Variants in CACNA2D3 observed in about 807,000 individuals in gnomAD.
The protein encoded by CACNA2D3 is voltage-dependent calcium channel subunit alpha-2/delta-3.
Under a neutral mutation model 160.6 loss-of-function variants are expected in CACNA2D3, and 60 were observed. The observed-to-expected ratio is 0.37, with a 90% CI of 0.30 to 0.46. CACNA2D3 has a LOEUF of 0.46. CACNA2D3 is among the 20% of genes least tolerant of loss of function. The probability of loss-of-function intolerance (pLI) is 1.00; values close to 1 mark genes in which losing one functional copy is unlikely to be tolerated. For missense variants in CACNA2D3, 1,205 were observed against 1,365.0 expected (o/e 0.88, Z 1.85); for synonymous variants, 558 against 492.9 (o/e 1.13, Z -1.75).
chr3:54,901,002 A>T (rs1010434172), intron 27 of CACNA2D3, among the ~76,000 whole-genome samples: 3 of 152,160 alleles, frequency 2.0e-5, no homozygotes, highest in African/African-American at 7.2e-5. Flanking sequence ...AAGCAGACCT[A>T]TTCTTAATCA....
chr3:55,020,331 G>A (rs140289808), intron 35 of CACNA2D3, among the ~76,000 whole-genome samples: 201 of 148,554 alleles, frequency 1.4e-3, no homozygotes, highest in African/African-American at 4.6e-3. Flanking sequence ...TGTACATATC[G>A]TATGTATGTA....
In CACNA2D3 at chr3:54,453,177, C is replaced by T. The variant is rs138573178; in HGVS notation, c.382-50315C>T. Among the ~76,000 whole-genome samples the T allele has an allele frequency of 2.0e-5, 3 of 152,080 alleles. No individual in the cohort carries two copies. In the East Asian group the frequency reaches 5.8e-4, roughly 29 times the overall value. ...CAGCTAATTTTTTGTATTTTTTGTA[C>T]AGATGAGGTCTTTCTGTGTTGTCCA... On this transcript the variant is annotated intron_variant, in intron 4 of 37. Coordinates refer to ENST00000474759, the MANE Select transcript of CACNA2D3 (RefSeq NM_018398.3).
At chr3:54,311,962 A>G (rs1289741940) in intron 2 of CACNA2D3, among the ~76,000 whole-genome samples, 3 of 152,056 alleles carry the variant, frequency 2.0e-5, no homozygotes, top group Non-Finnish European at 2.9e-5. Flanking sequence ...AAAGCAAAAG[A>G]AAAAAAAGAA....
chr3:54,734,176 T>G lies in CACNA2D3; in HGVS notation c.1168-18423T>G, dbSNP rs373274588. 2.5e-4 allele frequency among the ~76,000 whole-genome samples: 38 copies of G among 152,302 alleles called. 1 individual carries two copies. The East Asian group carries it at 6.9e-3, about 28-fold the overall frequency. On this transcript the variant is annotated intron_variant, in intron 11 of 37. Transcript: ENST00000474759. ...GGGCAGGCTTAGCAACGGGGTAGCA[T>G]TGTGTTGAGTAAAGTCTGACTTTGC...
chr3:54,483,768 C>T (rs1700971208), intron 4 of CACNA2D3, among the ~76,000 whole-genome samples: 1 of 152,160 alleles, frequency 6.6e-6, no homozygotes, highest in Non-Finnish European at 1.5e-5. Context: ...ATTTTTGTTT[C>T]CTTGACTTAT....
At chr3:54,530,275 G>A (rs576488143) in intron 5 of CACNA2D3, among the ~76,000 whole-genome samples, 102 of 152,218 alleles carry the variant, frequency 6.7e-4, no homozygotes, top group African/African-American at 2.3e-3. Context: ...TTCTGCCTGC[G>A]CTGCTGGTGG....
At chr3:54,811,219 C>T (rs1262237888) in intron 13 of CACNA2D3, among the ~76,000 whole-genome samples, 3 of 152,194 alleles carry the variant, frequency 2.0e-5, no homozygotes, top group Admixed American at 6.5e-5. Flanking sequence ...CAAAACTGAG[C>T]TCTTAGTGTT....
chr3:54,619,149 T>G (rs1698926644), intron 9 of CACNA2D3, among the ~76,000 whole-genome samples: 1 of 152,234 alleles, frequency 6.6e-6, no homozygotes, highest in Non-Finnish European at 1.5e-5. Context: ...TCCCAGGCTT[T>G]CAGGGGTTCG....
At chr3:54,549,101 A>G (rs1369360583) in intron 5 of CACNA2D3, among the ~76,000 whole-genome samples, 1 of 152,158 alleles carries the variant, frequency 6.6e-6, no homozygotes, top group Non-Finnish European at 1.5e-5. Context: ...TCTCTCCAAT[A>G]TAAATCTCAT....
At chr3:54,985,520 A>G (rs1474491927) in intron 30 of CACNA2D3, among the ~76,000 whole-genome samples, 2 of 152,220 alleles carry the variant, frequency 1.3e-5, no homozygotes, top group African/African-American at 2.4e-5. Context: ...CTCTTCCTTA[A>G]CTAGTTTTGG....
At chr3:54,974,411 G>A (rs1303174198) in intron 29 of CACNA2D3, among the ~76,000 whole-genome samples, 1 of 152,198 alleles carries the variant, frequency 6.6e-6, no homozygotes, top group Admixed American at 6.5e-5. Context: ...AGGTCACACC[G>A]ACAGCAGATG....
intron 29 of CACNA2D3, 39 bp from the exon 30 acceptor site, chr3:54,984,569 A>G: frequency 8.3e-7 from 1 of 1,211,646 alleles, no homozygotes; most frequent in Non-Finnish European, 1.2e-6. Flanking sequence ...CCGAAGTTGA[A>G]GCTGTTTTTT....
chr3:54,385,478 C>A, intron 3 of CACNA2D3, among the ~76,000 whole-genome samples: 1 of 152,162 alleles, frequency 6.6e-6, no homozygotes, highest in East Asian at 1.9e-4. Flanking sequence ...AAGGAAAAAA[C>A]CCTTCCTGAC....
At chr3:54,968,405 G>A (rs752540106) in intron 27 of CACNA2D3, 45 bp from the exon 28 acceptor site, 2 of 1,251,110 alleles carry the variant, frequency 1.6e-6, no homozygotes, top group East Asian at 2.4e-5. Flanking sequence ...AAATAATTGT[G>A]TAAAGGGATC....
chr3:55,035,858 AGTG>A (rs1253199048), intron 35 of CACNA2D3, among the ~76,000 whole-genome samples: 3 of 152,200 alleles, frequency 2.0e-5, no homozygotes, highest in African/African-American at 7.2e-5. Flanking sequence ...TGTTATGTGA[AGTG>A]GTGAATTCAG....
At chr3:54,321,012 G>A (rs1025258025) in intron 3 of CACNA2D3, among the ~76,000 whole-genome samples, 3 of 152,198 alleles carry the variant, frequency 2.0e-5, no homozygotes, top group Admixed American at 1.3e-4. Context: ...ATATTTGGAT[G>A]TCTGAGTTAT....
At chr3:54,291,961 A>G (rs892448351) in intron 2 of CACNA2D3, among the ~76,000 whole-genome samples, 6 of 152,248 alleles carry the variant, frequency 3.9e-5, no homozygotes, top group Non-Finnish European at 8.8e-5. Context: ...TTGACCAAAA[A>G]AATAAAGTTG....
intron 2 of CACNA2D3, among the ~76,000 whole-genome samples, chr3:54,181,689 C>T (rs1310272304): frequency 2.6e-5 from 4 of 152,144 alleles, no homozygotes; most frequent in African/African-American, 9.7e-5. Flanking sequence ...GAGGTGCTTT[C>T]ACGTAAATTA....
At chr3:54,624,682 A>AT (rs1264140678) in intron 9 of CACNA2D3, among the ~76,000 whole-genome samples, 1 of 152,236 alleles carries the variant, frequency 6.6e-6, no homozygotes, top group Non-Finnish European at 1.5e-5. Flanking sequence ...CAATTAAGGC[A>AT]TTTGGCAGAA....
Sources: allele counts gnomAD v4.1 joint callset (sites outside exome capture counted in the v4.1 genomes callset), GRCh38; gene constraint gnomAD v4.1.1; transcripts MANE v1.5; gene names NCBI Gene and HGNC (gene_info 2026-07-23, HGNC 2026-07-21).